APBA2: variants seen among roughly 807,000 people sequenced by gnomAD.
APBA2 encodes the protein amyloid beta precursor protein binding family A member 2.
APBA2 carries 30 observed loss-of-function variants against 75.0 expected under a neutral mutation model. The observed-to-expected ratio is 0.40, with a 90% CI of 0.30 to 0.54. The LOEUF is 0.54. Among genes scored for constraint, APBA2 ranks in the 20% least tolerant of loss-of-function variants. The probability of loss-of-function intolerance (pLI) is 0.49; values close to 1 mark genes in which losing one functional copy is unlikely to be tolerated. For missense variants in APBA2, 801 were observed against 1,016.1 expected (o/e 0.79, Z 2.88); for synonymous variants, 444 against 409.6 (o/e 1.08, Z -1.01).
chr15:29,051,444 C>T lies in APBA2; in HGVS notation c.-40-2401C>T, dbSNP rs1392409509. Among the ~76,000 whole-genome samples, 3 of 152,246 alleles carry T rather than the reference C, an allele frequency of 2.0e-5. No individual in the cohort carries two copies. In the South Asian group the frequency reaches 6.2e-4, roughly 32 times the overall value. On this transcript the variant is annotated intron_variant, in intron 3 of 14. Coordinates refer to ENST00000683413, the MANE Select transcript of APBA2 (RefSeq NM_001353788.2). Reference sequence around the variant, plus strand: ...GCATACCAGTGATGCTCCTGAAACACGGCCATGGACAAGCCTGTGCAGGTG... The same window carrying T: ...GCATACCAGTGATGCTCCTGAAACATGGCCATGGACAAGCCTGTGCAGGTG...
At chr15:28,933,229 G>T (rs1035823053) in intron 2 of APBA2, among the ~76,000 whole-genome samples, 1 of 152,156 alleles carries the variant, frequency 6.6e-6, no homozygotes, top group African/African-American at 2.4e-5. Flanking sequence ...TGAACTTTGG[G>T]GGGGCACATT....
intron 2 of APBA2, among the ~76,000 whole-genome samples, chr15:28,979,001 C>A (rs987699094): frequency 3.9e-5 from 6 of 152,218 alleles, no homozygotes; most frequent in Non-Finnish European, 8.8e-5. Flanking sequence ...CTCTCTCTGG[C>A]TATCTGGCTA....
intron 13 of APBA2, among the ~76,000 whole-genome samples, chr15:29,110,624 G>T (rs1415231912): frequency 6.6e-6 from 1 of 152,228 alleles, no homozygotes; most frequent in African/African-American, 2.4e-5. Flanking sequence ...CCCATGAGGA[G>T]CACAGGAACT....
rs533529547 is a variant in APBA2, at chr15:29,046,346, T to C, written c.-40-7499T>C. ...TTGGCCACACCCCACTTTTGTGTCT[T>C]GGGAATTATCTGCTGTGCTCTGAAT... On this transcript the variant is annotated intron_variant, in intron 3 of 14. Coordinates refer to ENST00000683413, the MANE Select transcript of APBA2 (RefSeq NM_001353788.2). This position sits in a 1 kb window ranked among gnomAD's most constrained non-coding sequence, Gnocchi z 5.0. Among the ~76,000 whole-genome samples the C allele has an allele frequency of 6.6e-6, 1 of 152,318 alleles. No homozygotes were observed. Among genetic ancestry groups the C allele is most frequent in the Admixed American group, 6.5e-5 (1 of 15,302 alleles).
At chr15:28,886,816 C>T (rs574958577) in intron 1 of APBA2, among the ~76,000 whole-genome samples, 3 of 152,216 alleles carry the variant, frequency 2.0e-5, no homozygotes, top group African/African-American at 7.2e-5. Flanking sequence ...CCCCACACCC[C>T]GTTGCTCCTG....
chr15:29,100,880 C>T (rs1211041552), intron 9 of APBA2, among the ~76,000 whole-genome samples: 1 of 152,204 alleles, frequency 6.6e-6, no homozygotes, highest in Non-Finnish European at 1.5e-5. Flanking sequence ...CCTGACATCA[C>T]GCCTCCCTGG....
chr15:29,103,263 T>C (rs974556822), intron 10 of APBA2, among the ~76,000 whole-genome samples: 2 of 152,178 alleles, frequency 1.3e-5, no homozygotes. Flanking sequence ...GTATGCCGTA[T>C]TGGGTAGATG....
chr15:29,085,235 T>G (rs1006740188), intron 6 of APBA2, among the ~76,000 whole-genome samples: 6 of 152,102 alleles, frequency 3.9e-5, no homozygotes, highest in African/African-American at 1.4e-4. Flanking sequence ...ATTTAAAAAT[T>G]AATGAGTTGG....
intron 3 of APBA2, among the ~76,000 whole-genome samples, chr15:29,010,162 A>G (rs531486201): frequency 6.6e-6 from 1 of 152,130 alleles, no homozygotes; most frequent in Non-Finnish European, 1.5e-5. Context: ...TCTCTTTCGA[A>G]TACTTGTCTT....
chr15:28,967,235 G>A (rs2036786603), intron 2 of APBA2, among the ~76,000 whole-genome samples: 1 of 151,954 alleles, frequency 6.6e-6, no homozygotes, highest in African/African-American at 2.4e-5. Flanking sequence ...CCTTTAAACT[G>A]TACAATTCAG....
At chr15:29,018,424 C>T (rs570744320) in intron 3 of APBA2, among the ~76,000 whole-genome samples, 23 of 152,318 alleles carry the variant, frequency 1.5e-4, no homozygotes, top group African/African-American at 5.5e-4. Context: ...TTATATATCC[C>T]TACAGAGACT....
chr15:29,081,995 T>C lies in APBA2; in HGVS notation c.1069+5904T>C, dbSNP rs370319401. On this transcript the variant is annotated intron_variant, in intron 6 of 14. Transcript: ENST00000683413. ...GGACAGCGTACGCTGCTGTTGGTCA[T>C]GTATGAGAGTTGGTTACGTATGAGG... Among the ~76,000 whole-genome samples the C allele has an allele frequency of 5.3e-5, 8 of 152,260 alleles. No homozygotes were observed. In the East Asian group the frequency reaches 1.3e-3, roughly 26 times the overall value.
chr15:29,065,871 G>A (rs1291904862), intron 4 of APBA2, among the ~76,000 whole-genome samples: 3 of 152,192 alleles, frequency 2.0e-5, no homozygotes, highest in African/African-American at 7.2e-5. Context: ...TCTGTCCCAC[G>A]GGTGGCCTGC....
intron 7 of APBA2, 21 bp downstream of exon 7, chr15:29,093,241 C>T (rs765202311): frequency 2.5e-6 from 4 of 1,613,714 alleles, no homozygotes; most frequent in Non-Finnish European, 3.4e-6. Flanking sequence ...TTCGAGGGCC[C>T]CTCGCGGATG....
chr15:29,105,387 C>T lies in APBA2; in HGVS notation c.1533C>T (p.Leu511=), dbSNP rs1426829179. 1.9e-6 allele frequency: 3 copies of T among 1,611,460 alleles called. No individual in the cohort carries two copies. Among genetic ancestry groups the T allele is most frequent in the South Asian group, 2.2e-5 (2 of 91,004 alleles). The change falls in exon 11 of 15, where the codon CTC becomes CTT. Residue 511 remains leucine, a synonymous_variant. Coordinates refer to ENST00000683413, the MANE Select transcript of APBA2 (RefSeq NM_001353788.2). ...GCCTGCCCTCTGCACAGGCCCAGCT[C>T]ATCGCCCAGTCTATCGGCCAGGCCT... ...CHVFESEDAQ[L]IAQSIGQAFS...
At chr15:29,058,013 G>A (rs8039650) in intron 4 of APBA2, among the ~76,000 whole-genome samples, 5 of 152,084 alleles carry the variant, frequency 3.3e-5, no homozygotes, top group African/African-American at 4.8e-5. Context: ...TTCCTGTTGC[G>A]TATGTCCTCA....
intron 3 of APBA2, among the ~76,000 whole-genome samples, chr15:29,002,413 T>G (rs2038896467): frequency 6.6e-6 from 1 of 152,208 alleles, no homozygotes; most frequent in Non-Finnish European, 1.5e-5. Flanking sequence ...CTTAATCTCC[T>G]TCAATCAGTT....
chr15:29,021,542 G>A (rs922972321), intron 3 of APBA2, among the ~76,000 whole-genome samples: 2 of 152,122 alleles, frequency 1.3e-5, no homozygotes, highest in Non-Finnish European at 2.9e-5. Context: ...AGTTTAGAGC[G>A]AAGCCAACCC....
In APBA2 at chr15:28,969,719, G is replaced by A. The variant is rs578034869; in HGVS notation, c.-94-26034G>A. ...TTTGCTGCCCGAGGGTCCTGTTGCCGCCAGGACTGGTGAGGAGACTGAGGA... is the reference window on the plus strand; with the variant it reads ...TTTGCTGCCCGAGGGTCCTGTTGCCACCAGGACTGGTGAGGAGACTGAGGA... On this transcript the variant is annotated intron_variant, in intron 2 of 14. Coordinates refer to ENST00000683413, the MANE Select transcript of APBA2 (RefSeq NM_001353788.2). 8.5e-5 allele frequency among the ~76,000 whole-genome samples: 13 copies of A among 152,326 alleles called. No homozygotes were observed. In the South Asian group the frequency reaches 1.9e-3, roughly 22 times the overall value.
Sources: gnomAD v4.1 joint callset for allele counts (sites outside exome capture counted in the v4.1 genomes callset) on GRCh38, gnomAD v4.1.1 for gene constraint, Gnocchi (gnomAD v3.1) non-coding constraint, MANE v1.5 for transcripts, NCBI Gene and HGNC (gene_info 2026-07-23, HGNC 2026-07-21) for gene names.